Variants in CEP164 observed in about 807,000 individuals in gnomAD.
The protein encoded by CEP164 is centrosomal protein 164.
CEP164 carries 162 observed loss-of-function variants against 182.7 expected under a neutral mutation model. That is an observed-to-expected ratio of 0.89 (90% confidence interval 0.78 to 1.01). The LOEUF (loss-of-function observed/expected upper bound fraction) is 1.01, where lower values mean the gene tolerates loss of function less well. Among genes scored for constraint, CEP164 ranks in the 50% least tolerant of loss-of-function variants. The pLI, the probability that CEP164 is intolerant of heterozygous loss-of-function variation, is 0.00. For synonymous variants in CEP164, 661 were observed against 690.0 expected, an observed-to-expected ratio of 0.96 and a Z score of 0.66; for missense variants, 1,735 against 1,790.4, an observed-to-expected ratio of 0.97 and a Z score of 0.56.
chr11:117,323,832 C>A, upstream of CEP164: 1 of 395,832 alleles, frequency 2.5e-6, no homozygotes, highest in South Asian at 1.8e-5. Context: ...GTTTGCATTT[C>A]CCTCATGGTT....
At position 117,391,259 on chromosome 11, in the gene CEP164, G is replaced by C. The variant is rs1329571159; in HGVS notation, c.2283+44G>C. On this transcript the variant is annotated intron_variant, in intron 17 of 32. Transcript: ENST00000278935. Reference sequence around the variant, plus strand: ...GACCTCACCCTCTGACCTGTGTCTGGGCTGCCTGGGGAGGGACTGAGTGCA... The same window carrying C: ...GACCTCACCCTCTGACCTGTGTCTGCGCTGCCTGGGGAGGGACTGAGTGCA... The C allele has an allele frequency of 5.2e-6, 8 of 1,549,696 alleles. 1 individual carries two copies. Among genetic ancestry groups the C allele is most frequent in the Middle Eastern group, 2.3e-4 (1 of 4,388 alleles).
At chr11:117,366,547 G>A (rs970348952) in intron 8 of CEP164, among the ~76,000 whole-genome samples, 11 of 152,206 alleles carry the variant, frequency 7.2e-5, no homozygotes, top group African/African-American at 2.7e-4. Context: ...ACTTTATGTG[G>A]CCATGTGGTG....
chr11:117,396,018 C>G lies in CEP164; in HGVS notation c.3090-36C>G, dbSNP rs200643814. ...TTCACCCCTCCCCCCCATCGCCAGC[C>G]GCTGCCCTGCCTCTCACTCATCTTT... On this transcript the variant is annotated intron_variant, in intron 24 of 32. Coordinates refer to ENST00000278935, the MANE Select transcript of CEP164 (RefSeq NM_014956.5). The G allele has an allele frequency of 3.7e-6, 6 of 1,613,084 alleles. No individual in the cohort carries two copies. In the African/African-American group the frequency reaches 8.0e-5, roughly 22 times the overall value.
chr11:117,389,359 A>G (rs552498), intron 15 of CEP164, among the ~76,000 whole-genome samples: 53,821 of 152,048 alleles, frequency 0.35, 9,700 homozygotes, highest in Middle Eastern at 0.38. Context: ...ATAACCTTTC[A>G]TAGATATCAC....
At chr11:117,362,664 T>A in intron 7 of CEP164, 126 bp downstream of exon 7, 5 of 1,023,580 alleles carry the variant, frequency 4.9e-6, no homozygotes, top group South Asian at 1.7e-5. Flanking sequence ...ATTTTAAAGT[T>A]AAAATTCAGT....
At position 117,394,405 on chromosome 11, in the gene CEP164, T is replaced by C; in HGVS notation, c.2672T>C (p.Leu891Pro). Residue 891 changes from leucine (L) to proline (P), a missense_variant, in exon 21 of 33, where the codon CTG becomes CCG. By Grantham distance (98) the Leu-to-Pro change is moderately conservative (BLOSUM62 -3). Coordinates refer to ENST00000278935, the MANE Select transcript of CEP164 (RefSeq NM_014956.5). This position sits in a 1 kb window ranked among gnomAD's most constrained non-coding sequence, Gnocchi z 4.0. Reference sequence around the variant, plus strand: ...CACCTGACCGGAGAGCTGGAGCGCCTGCAGAGGGCCCATGAACGAGAACTG... The same window carrying C: ...CACCTGACCGGAGAGCTGGAGCGCCCGCAGAGGGCCCATGAACGAGAACTG... ...LGHLTGELER[L>P]QRAHERELET... 6.2e-7 allele frequency: 1 copy of C among 1,613,136 alleles called. No homozygotes were observed. The highest frequency in any genetic ancestry group is 2.2e-5 in the East Asian group (1 of 44,852).
chr11:117,393,129 A>G lies in CEP164; in HGVS notation c.2616+3A>G, dbSNP rs776153971. On this transcript the variant is annotated splice_donor_region_variant and intron_variant, in intron 20 of 32. Coordinates refer to ENST00000278935, the MANE Select transcript of CEP164 (RefSeq NM_014956.5). ...CCAGAGAGCAGTATGAAGCTGAGGT[A>G]GCTCAGCCACATCCCCTGCGCGCAT... is the stretch of plus-strand genomic sequence containing the variant. 2.5e-6 allele frequency: 4 copies of G among 1,612,034 alleles called. No individual in the cohort carries two copies. The Admixed American group carries it at 6.7e-5, about 27-fold the overall frequency.
At chr11:117,349,184 G>A (rs1044937780) in intron 4 of CEP164, among the ~76,000 whole-genome samples, 55 of 152,074 alleles carry the variant, frequency 3.6e-4, no homozygotes, top group African/African-American at 1.3e-3. Context: ...CACCATGCCC[G>A]GGTAATTTTT....
chr11:117,339,788 C>T (rs1368761571), intron 3 of CEP164, among the ~76,000 whole-genome samples: 1 of 151,822 alleles, frequency 6.6e-6, no homozygotes, highest in Non-Finnish European at 1.5e-5. Flanking sequence ...CCTCCACTTC[C>T]CAGAGTGCTG....
At chr11:117,381,184 A>T (rs940791412) in intron 12 of CEP164, among the ~76,000 whole-genome samples, 4 of 152,214 alleles carry the variant, frequency 2.6e-5, no homozygotes, top group African/African-American at 7.2e-5. Context: ...ACTGTGTGTG[A>T]TGTGACAGGG....
intron 5 of CEP164, 60 bp from the exon 6 acceptor site, chr11:117,361,775 C>G: frequency 6.3e-7 from 1 of 1,576,580 alleles, no homozygotes; most frequent in Non-Finnish European, 8.7e-7. Context: ...ATATCTGTCT[C>G]CGACACTCCC....
At position 117,327,878 on chromosome 11, in the gene CEP164, C is replaced by G. The variant is rs1212330655; in HGVS notation, c.-124C>G. 1 of 152,246 alleles carries G rather than the reference C, an allele frequency of 6.6e-6. No homozygotes were observed. The highest frequency in any genetic ancestry group is 1.5e-5 in the Non-Finnish European group (1 of 68,076). The allele number at this position is 152,246 out of a possible 1,614,324, so 9.4% of individuals were successfully genotyped here. ...TGTTGCGCGCTGCAGGGCAACACCC[C>G]GGCGTCCCTGGAAGCTGGGGGAGCG... is the stretch of plus-strand genomic sequence containing the variant. On this transcript the variant is annotated 5_prime_UTR_variant, in exon 1 of 33. Transcript: ENST00000278935.
Position 117,327,922 on chromosome 11 carries a change from T to C in CEP164, c.-98+18T>C, listed in dbSNP as rs566155. On this transcript the variant is annotated intron_variant, in intron 1 of 32. Coordinates refer to ENST00000278935, the MANE Select transcript of CEP164 (RefSeq NM_014956.5). ...GGGAGCGGGTGGGTGTTGGGTGGCGTTGGGGGAGCTGCGCCTCGCCCAGAG... is the reference window on the plus strand; with the variant it reads ...GGGAGCGGGTGGGTGTTGGGTGGCGCTGGGGGAGCTGCGCCTCGCCCAGAG... The C allele has an allele frequency of 0.038, 5,714 of 152,332 alleles. 182 individuals carry two copies. The highest frequency in any genetic ancestry group is 0.058 in the Non-Finnish European group (3,977 of 68,208). 9.4% of individuals were successfully genotyped at this position (152,332 alleles called of 1,614,324 possible). A position where few individuals can be genotyped will look rare whatever the true frequency, so the allele number is the denominator to read the frequency against.
Position 117,382,884 on chromosome 11 carries a change from G to A in CEP164, c.1666G>A (p.Ala556Thr), listed in dbSNP as rs943322658. 6.8e-6 allele frequency: 11 copies of A among 1,613,848 alleles called. No homozygotes were observed. Among genetic ancestry groups the A allele is most frequent in the Non-Finnish European group, 9.3e-6 (11 of 1,180,026 alleles). ...AEELGPGQEE[A>T]EDPEEKVAVS... is the part of the protein sequence containing the mutation. ...GGAGCTGGGCCCTGGGCAGGAAGAG[G>A]CAGAGGATCCTGAGGAGAAGGTGGC... is the stretch of plus-strand genomic sequence containing the variant. Residue 556 changes from alanine to threonine, a missense_variant, in exon 14 of 33, where the codon GCA (alanine) becomes ACA (threonine). Transcript: ENST00000278935.
chr11:117,411,229 C>A lies in CEP164; in HGVS notation c.4163+335C>A. 1 of 320,854 alleles carries A rather than the reference C, an allele frequency of 3.1e-6. No individual in the cohort carries two copies. The highest frequency in any genetic ancestry group is 5.9e-6 in the Non-Finnish European group (1 of 168,452). The allele number at this position is 320,854 out of a possible 1,614,324, so 19.9% of individuals were successfully genotyped here. On this transcript the variant is annotated intron_variant, in intron 31 of 32. Coordinates refer to ENST00000278935, the MANE Select transcript of CEP164 (RefSeq NM_014956.5). This position sits in a 1 kb window ranked among gnomAD's most constrained non-coding sequence, Gnocchi z 4.4. ...CGCCCCTCCCTCTAGCCCCTCCAGC[C>A]CCGGAGTCTGGCCTTTGTCTTTGCC... is the stretch of plus-strand genomic sequence containing the variant.
rs2040232726 is a variant in CEP164 at position 117,355,825 on chromosome 11, A to G, written c.393+3837A>G. The G allele has an allele frequency of 2.0e-5, 22 of 1,079,790 alleles. 2 individuals are homozygous for G. The South Asian group carries it at 4.4e-4, about 22-fold the overall frequency. The allele number at this position is 1,079,790 out of a possible 1,614,324, so 66.9% of individuals were successfully genotyped here. On this transcript the variant is annotated intron_variant, in intron 5 of 32. Transcript: ENST00000278935. ...CTCTAGGGGCCTCAGCTGAAGATCT[A>G]CCTCAGGGTCTCTTGCTAATACCAC...
upstream of CEP164, among the ~76,000 whole-genome samples, chr11:117,326,565 C>T (rs767248105): frequency 3.3e-5 from 5 of 152,196 alleles, no homozygotes; most frequent in African/African-American, 4.8e-5. Flanking sequence ...AGCCACCAGG[C>T]CCGGTCGATA....
intron 8 of CEP164, among the ~76,000 whole-genome samples, chr11:117,364,529 A>G (rs1592177974): frequency 6.7e-6 from 1 of 149,650 alleles, no homozygotes; most frequent in East Asian, 2.0e-4. Flanking sequence ...TTGAGACCTG[A>G]GTTGTGGGTG....
intron 5 of CEP164, chr11:117,355,208 C>T: frequency 2.3e-6 from 3 of 1,289,846 alleles, no homozygotes; most frequent in Non-Finnish European, 3.0e-6. Context: ...AGGCAGGGCC[C>T]CAGCCCAATG....
Sources: gnomAD v4.1 joint callset for allele counts (sites outside exome capture counted in the v4.1 genomes callset) on GRCh38, gnomAD v4.1.1 for gene constraint, Gnocchi (gnomAD v3.1) non-coding constraint, MANE v1.5 for transcripts, NCBI Gene and HGNC (gene_info 2026-07-23, HGNC 2026-07-21) for gene names.